The following SLC38A8 variants were observed in gnomAD, a reference collection of about 807,000 sequenced individuals.
The protein encoded by SLC38A8 is solute carrier family 38 member 8.
In SLC38A8, 65 loss-of-function variants were observed where a neutral mutation model predicts 46.0. That is an observed-to-expected ratio of 1.41 (90% CI 1.16 to 1.74). The LOEUF (loss-of-function observed/expected upper bound fraction) is 1.74, where lower values mean the gene tolerates loss of function less well. SLC38A8 is among the 40% of genes most tolerant of loss of function. The pLI, the probability that SLC38A8 is intolerant of heterozygous loss-of-function variation, is 0.00. For missense variants in SLC38A8, 998 were observed against 567.9 expected (o/e 1.76, Z -7.70); for synonymous variants, 447 against 243.7 (o/e 1.83, Z -7.77).
intron 2 of SLC38A8, among the ~76,000 whole-genome samples, chr16:84,037,806 ATTTTTTT>A (rs376247461): frequency 9.8e-6 from 1 of 102,246 alleles, no homozygotes; most frequent in South Asian, 3.3e-4. Flanking sequence ...TTCAGCTTCA[ATTTTTTT>A]TTTTTTTTTT....
At chr16:84,028,045 A>AT (rs11297375) in intron 6 of SLC38A8, among the ~76,000 whole-genome samples, 343 of 145,422 alleles carry the variant, frequency 2.4e-3, no homozygotes, top group Admixed American at 7.3e-3. Context: ...ATGTTTCAAG[A>AT]TTTTTTTTTT....
At chr16:84,011,811 G>A (rs2084957144) in intron 10 of SLC38A8, among the ~76,000 whole-genome samples, 1 of 152,170 alleles carries the variant, frequency 6.6e-6, no homozygotes, top group Non-Finnish European at 1.5e-5. Context: ...TTGAGCCCAG[G>A]GGGTTGAGGC....
chr16:84,013,185 C>A, intron 9 of SLC38A8, 133 bp from the exon 10 acceptor site: 1 of 884,800 alleles, frequency 1.1e-6, no homozygotes, highest in Non-Finnish European at 1.8e-6. Context: ...GCTCAGGCCC[C>A]CTGGAGAGGC....
intron 7 of SLC38A8, 46 bp downstream of exon 7, chr16:84,022,729 A>G (rs371756370): frequency 1.2e-5 from 18 of 1,474,282 alleles, no homozygotes; most frequent in Admixed American, 1.7e-5. Context: ...TCTTGTTTCT[A>G]CTGTCACTCC....
At chr16:84,017,660 C>A (rs1237159170) in intron 7 of SLC38A8, among the ~76,000 whole-genome samples, 1 of 152,216 alleles carries the variant, frequency 6.6e-6, no homozygotes. Flanking sequence ...TAGCTGTGCA[C>A]ACATTTCCAA....
At chr16:84,024,958 G>T (rs924981134) in intron 6 of SLC38A8, among the ~76,000 whole-genome samples, 1 of 152,150 alleles carries the variant, frequency 6.6e-6, no homozygotes, top group Non-Finnish European at 1.5e-5. Flanking sequence ...TGGGATTACA[G>T]GCGTGAGCCA....
chr16:84,010,722 G>C (rs146916934), intron 10 of SLC38A8, among the ~76,000 whole-genome samples: 1 of 152,108 alleles, frequency 6.6e-6, no homozygotes, highest in Non-Finnish European at 1.5e-5. Context: ...CCAGCCTGGA[G>C]GACAGAGCAA....
At chr16:84,031,548 G>C (rs1011868557) in intron 5 of SLC38A8, among the ~76,000 whole-genome samples, 1 of 150,690 alleles carries the variant, frequency 6.6e-6, no homozygotes, top group Admixed American at 6.6e-5. Flanking sequence ...GGTACATGCA[G>C]CTGGATGGCT....
chr16:84,038,595 T>A (rs2085329549), intron 2 of SLC38A8, among the ~76,000 whole-genome samples: 2 of 152,192 alleles, frequency 1.3e-5, no homozygotes, highest in African/African-American at 2.4e-5. Flanking sequence ...AGGGTGAATA[T>A]TTACATATAA....
chr16:84,009,894 C>T lies in SLC38A8; in HGVS notation c.1215-17G>A. On this transcript the variant is annotated splice_polypyrimidine_tract_variant and intron_variant, in intron 10 of 10. Coordinates refer to ENST00000299709, the MANE Select transcript of SLC38A8 (RefSeq NM_001080442.3). ...AGGCAGCACCTGCCAAGTGAATAAACCCATGTCAGAGCTTTTCTGGATTTT... is the reference window on the plus strand; with the variant it reads ...AGGCAGCACCTGCCAAGTGAATAAATCCATGTCAGAGCTTTTCTGGATTTT... 2.5e-6 allele frequency: 4 copies of T among 1,608,022 alleles called. No individual in the cohort carries two copies. The highest frequency in any genetic ancestry group is 3.4e-6 in the Non-Finnish European group (4 of 1,177,544).
intron 3 of SLC38A8, 106 bp from the exon 4 acceptor site, chr16:84,033,575 C>A: frequency 7.5e-7 from 1 of 1,338,186 alleles, no homozygotes; most frequent in South Asian, 1.5e-5. Context: ...CCACCCTCAG[C>A]CAGCCCCAGG....
intron 4 of SLC38A8, among the ~76,000 whole-genome samples, chr16:84,032,902 G>C (rs1349174200): frequency 2.1e-5 from 2 of 95,696 alleles, no homozygotes; most frequent in Non-Finnish European, 4.0e-5. Flanking sequence ...GCATGTGTGG[G>C]TGGGTGAGCA....
intron 6 of SLC38A8, among the ~76,000 whole-genome samples, chr16:84,023,786 C>A (rs1597260929): frequency 6.6e-6 from 1 of 152,150 alleles, no homozygotes; most frequent in East Asian, 1.9e-4. Flanking sequence ...CCCAGCTACT[C>A]AGGAAGCTGA....
chr16:84,038,680 G>C (rs13330174), intron 2 of SLC38A8, among the ~76,000 whole-genome samples: 116 of 152,276 alleles, frequency 7.6e-4, no homozygotes, highest in African/African-American at 2.7e-3. Context: ...ACCCACAGGC[G>C]GAACATCGCC....
intron 2 of SLC38A8, among the ~76,000 whole-genome samples, chr16:84,039,362 G>A (rs535529385): frequency 1.3e-5 from 2 of 152,220 alleles, no homozygotes; most frequent in Non-Finnish European, 2.9e-5. Flanking sequence ...CACGCTCTAA[G>A]CTCCCTGAAG....
Position 84,040,866 on chromosome 16 carries a change from G to A in SLC38A8, c.189+1103C>T, listed in dbSNP as rs141767571. On this transcript the variant is annotated intron_variant, in intron 2 of 10. Transcript: ENST00000299709. ...TTCCCATTAAAACAAAGCTCCATGA[G>A]GACAGGGACCACACTGCGTCATCCA... is the stretch of plus-strand genomic sequence containing the variant. Among the ~76,000 whole-genome samples the A allele has an allele frequency of 1.9e-3, 285 of 152,320 alleles. 4 individuals carry two copies. Among genetic ancestry groups the A allele is most frequent in the African/African-American group, 6.7e-3 (278 of 41,570 alleles).
intron 9 of SLC38A8, among the ~76,000 whole-genome samples, chr16:84,015,218 C>T (rs191349869): frequency 1.1e-4 from 16 of 152,266 alleles, no homozygotes; most frequent in Admixed American, 8.5e-4. Flanking sequence ...ACACACCCCC[C>T]ACTGCGGATC....
intron 7 of SLC38A8, 129 bp downstream of exon 7, chr16:84,022,646 A>T: frequency 1.4e-6 from 1 of 707,254 alleles, no homozygotes; most frequent in Non-Finnish European, 2.3e-6. Context: ...ACTAAGGATT[A>T]AATAAGATGC....
At chr16:84,039,873 G>A (rs1259232793) in intron 2 of SLC38A8, 1 of 152,082 alleles carries the variant, frequency 6.6e-6, no homozygotes, top group African/African-American at 2.4e-5. Context: ...AGAACCGCAA[G>A]GAGCCCCGGT....
Sources: gnomAD v4.1 joint callset for allele counts (sites outside exome capture counted in the v4.1 genomes callset) on GRCh38, gnomAD v4.1.1 for gene constraint, MANE v1.5 for transcripts, NCBI Gene and HGNC (gene_info 2026-07-23, HGNC 2026-07-21) for gene names.